DOK6: variants seen among roughly 807,000 people sequenced by gnomAD.
DOK6 encodes docking protein 6.
DOK6 carries 22 observed loss-of-function variants against 44.0 expected under a neutral mutation model. The observed-to-expected ratio is 0.50, with a 90% CI of 0.36 to 0.71. The LOEUF is 0.71. Among genes scored for constraint, DOK6 ranks in the 30% least tolerant of loss-of-function variants. DOK6 has a pLI of 0.00. For missense variants in DOK6, 340 were observed against 416.4 expected, an observed-to-expected ratio of 0.82 and a Z score of 1.60; for synonymous variants, 166 against 145.5, an observed-to-expected ratio of 1.14 and a Z score of -1.01.
intron 3 of DOK6, among the ~76,000 whole-genome samples, chr18:69,638,779 G>A (rs1373397912): frequency 6.6e-6 from 1 of 152,128 alleles, no homozygotes; most frequent in African/African-American, 2.4e-5. Context: ...AGGATTTGAT[G>A]CCTGTTTAAG....
chr18:69,605,397 A>G (rs992023149), intron 3 of DOK6, among the ~76,000 whole-genome samples: 11 of 152,146 alleles, frequency 7.2e-5, no homozygotes, highest in Admixed American at 6.6e-4. Flanking sequence ...GGTCACCTGT[A>G]CAAGTTTTCA....
intron 7 of DOK6, among the ~76,000 whole-genome samples, chr18:69,839,713 C>A (rs1432410199): frequency 1.3e-5 from 2 of 152,144 alleles, no homozygotes; most frequent in South Asian, 2.1e-4. Flanking sequence ...CGGGGCAGGA[C>A]CCTGGGAGAG....
At chr18:69,646,453 T>G (rs1054725862) in intron 3 of DOK6, among the ~76,000 whole-genome samples, 2 of 152,186 alleles carry the variant, frequency 1.3e-5, no homozygotes, top group Non-Finnish European at 2.9e-5. Flanking sequence ...TATTATGTAT[T>G]CTCTTTTTAA....
chr18:69,557,567 C>T (rs1460687669), intron 1 of DOK6, among the ~76,000 whole-genome samples: 17 of 152,116 alleles, frequency 1.1e-4, no homozygotes, highest in Admixed American at 1.1e-3. Flanking sequence ...TGATGGCATG[C>T]TGGCTGGCTG....
At chr18:69,563,644 C>T (rs1294827699) in intron 1 of DOK6, among the ~76,000 whole-genome samples, 1 of 117,998 alleles carries the variant, frequency 8.5e-6, no homozygotes, top group African/African-American at 3.4e-5. Flanking sequence ...CACACTGGGG[C>T]CTGTTGCGGG....
chr18:69,535,397 C>T (rs1368654029), intron 1 of DOK6, among the ~76,000 whole-genome samples: 1 of 151,882 alleles, frequency 6.6e-6, no homozygotes, highest in East Asian at 1.9e-4. Context: ...GACTAACTTC[C>T]TGAAATCTCT....
rs769822323 is a variant in DOK6, at chr18:69,656,767, AG to A, written c.290-20964del. Among the ~76,000 whole-genome samples, 71 of 152,298 alleles carry A rather than the reference AG, an allele frequency of 4.7e-4. No individual in the cohort carries two copies. The Middle Eastern group carries it at 0.014, about 29-fold the overall frequency. Reference sequence around the variant, plus strand: ...TGTATTTTTTTCTTATACATGAAAAAGGGAGAAAATAAAGACAATGCAATTG... The same window carrying A: ...TGTATTTTTTTCTTATACATGAAAAAGGAGAAAATAAAGACAATGCAATTG... On this transcript the variant is annotated intron_variant, in intron 3 of 7. Coordinates refer to ENST00000382713, the MANE Select transcript of DOK6 (RefSeq NM_152721.6).
At chr18:69,493,386 C>T (rs1198138301) in intron 1 of DOK6, among the ~76,000 whole-genome samples, 1 of 152,150 alleles carries the variant, frequency 6.6e-6, no homozygotes, top group Admixed American at 6.5e-5. Context: ...CAGTCATTCT[C>T]ATAGTGTGGT....
chr18:69,659,108 T>C (rs1433701999), intron 3 of DOK6, among the ~76,000 whole-genome samples: 10 of 152,242 alleles, frequency 6.6e-5, no homozygotes, highest in Non-Finnish European at 1.5e-4. Flanking sequence ...ACATCTGACT[T>C]TGCTGCCACT....
At chr18:69,650,470 A>G (rs1347764616) in intron 3 of DOK6, among the ~76,000 whole-genome samples, 1 of 152,204 alleles carries the variant, frequency 6.6e-6, no homozygotes, top group Non-Finnish European at 1.5e-5. Context: ...AGGAAGGAAT[A>G]TGCAGGAAAT....
intron 1 of DOK6, among the ~76,000 whole-genome samples, chr18:69,486,467 C>A (rs1024268834): frequency 1.3e-5 from 2 of 152,198 alleles, no homozygotes; most frequent in South Asian, 4.1e-4. Flanking sequence ...AGGTGATGTT[C>A]ACAGAAGTTC....
intron 5 of DOK6, among the ~76,000 whole-genome samples, chr18:69,732,541 G>A (rs1783628690): frequency 6.6e-6 from 1 of 152,092 alleles, no homozygotes; most frequent in Non-Finnish European, 1.5e-5. Flanking sequence ...CCAAACTCCA[G>A]AGTGTTCAGG....
At chr18:69,693,394 T>G (rs1003387068) in intron 4 of DOK6, among the ~76,000 whole-genome samples, 3 of 152,074 alleles carry the variant, frequency 2.0e-5, no homozygotes, top group Non-Finnish European at 4.4e-5. Context: ...AAAAATGCAT[T>G]TTATGTGTAT....
At chr18:69,511,389 G>A (rs117987058) in intron 1 of DOK6, among the ~76,000 whole-genome samples, 2 of 152,094 alleles carry the variant, frequency 1.3e-5, no homozygotes, top group Non-Finnish European at 2.9e-5. Context: ...TAGGAGATGA[G>A]ATCTAATAAT....
chr18:69,404,567 C>T (rs1916163017), intron 1 of DOK6, among the ~76,000 whole-genome samples: 1 of 151,990 alleles, frequency 6.6e-6, no homozygotes, highest in African/African-American at 2.4e-5. Context: ...TATCACTGTA[C>T]AAATTTTAGA....
intron 2 of DOK6, among the ~76,000 whole-genome samples, chr18:69,576,320 T>A (rs770422767): frequency 2.1e-4 from 32 of 152,144 alleles, no homozygotes; most frequent in African/African-American, 6.3e-4. Context: ...ATCTTGAACT[T>A]GTAACTAAGC....
chr18:69,754,933 G>A (rs1409930705), intron 6 of DOK6, among the ~76,000 whole-genome samples: 1 of 152,184 alleles, frequency 6.6e-6, no homozygotes, highest in Non-Finnish European at 1.5e-5. Flanking sequence ...ATGGGGAATG[G>A]ACTCTATTTT....
In DOK6 at chr18:69,578,311, A is replaced by G. The variant is rs1186271464; in HGVS notation, c.174+13717A>G. 2.0e-5 allele frequency among the ~76,000 whole-genome samples: 3 copies of G among 152,328 alleles called. No homozygotes were observed. The East Asian group carries it at 5.8e-4, about 29-fold the overall frequency. On this transcript the variant is annotated intron_variant, in intron 2 of 7. Transcript: ENST00000382713. Reference sequence around the variant, plus strand: ...GTAAAATGCAAGTAATAATAACATCATGGCACACAAAGTGAAGAGGTGATC... The same window carrying G: ...GTAAAATGCAAGTAATAATAACATCGTGGCACACAAAGTGAAGAGGTGATC...
At chr18:69,566,835 G>C (rs1247167567) in intron 2 of DOK6, among the ~76,000 whole-genome samples, 2 of 152,246 alleles carry the variant, frequency 1.3e-5, no homozygotes, top group Non-Finnish European at 2.9e-5. Context: ...GGCCAAACTA[G>C]TGGTGGTAAT....
Sources: gnomAD v4.1 joint callset for allele counts (sites outside exome capture counted in the v4.1 genomes callset) on GRCh38, gnomAD v4.1.1 for gene constraint, MANE v1.5 for transcripts, NCBI Gene and HGNC (gene_info 2026-07-23, HGNC 2026-07-21) for gene names.